TEX29: variants seen among roughly 807,000 people sequenced by gnomAD.
The protein encoded by TEX29 is testis expressed 29, also known as testis-expressed protein 29.
TEX29 carries 26 observed loss-of-function variants against 18.2 expected under a neutral mutation model. The observed-to-expected ratio is 1.43, with a 90% CI of 1.04 to 1.98. The LOEUF is 1.98. TEX29 is among the 30% of genes most tolerant of loss of function. The pLI is 0.00. For missense variants in TEX29, 177 were observed against 194.2 expected (o/e 0.91, Z 0.53); for synonymous variants, 83 against 78.5 (o/e 1.06, Z -0.31).
intron 2 of TEX29, among the ~76,000 whole-genome samples, chr13:111,321,677 C>T (rs375492145): frequency 2.0e-5 from 3 of 152,002 alleles, no homozygotes; most frequent in African/African-American, 7.3e-5. Flanking sequence ...AATCCCAGCA[C>T]TTTGAGAAGC....
intron 3 of TEX29, among the ~76,000 whole-genome samples, chr13:111,334,534 T>C (rs1466387302): frequency 6.6e-6 from 1 of 152,262 alleles, no homozygotes; most frequent in Non-Finnish European, 1.5e-5. Context: ...CCATAGGTCT[T>C]TCCTTGCAAA....
chr13:111,326,902 G>A (rs541604783), intron 2 of TEX29, among the ~76,000 whole-genome samples: 1 of 152,302 alleles, frequency 6.6e-6, no homozygotes, highest in Non-Finnish European at 1.5e-5. Context: ...TGCCCTGGGA[G>A]CAAAGCCCTC....
In TEX29 at chr13:111,328,216, A is replaced by G. The variant is rs2093677206; in HGVS notation, c.92A>G (p.Tyr31Cys). ...CDVPLYDICD[Y>C]NVSRDRCQEL... ...GTTCCTCTGTATGACATTTGTGACT[A>G]CAACGTCTCCAGGGACCGATGCCAG... is the stretch of plus-strand genomic sequence containing the variant. Residue 31 changes from tyrosine to cysteine, a missense_variant, in exon 3 of 6, where the codon TAC becomes TGC. By Grantham distance (194) the Tyr-to-Cys change is radical. Coordinates refer to ENST00000283547, the MANE Select transcript of TEX29 (RefSeq NM_152324.3). The G allele has an allele frequency of 6.2e-7, 1 of 1,613,852 alleles. No homozygotes were observed. Among genetic ancestry groups the G allele is most frequent in the Non-Finnish European group, 8.5e-7 (1 of 1,179,916 alleles).
At chr13:111,339,006 G>A (rs1389648557) in intron 3 of TEX29, among the ~76,000 whole-genome samples, 1 of 152,206 alleles carries the variant, frequency 6.6e-6, no homozygotes, top group Non-Finnish European at 1.5e-5. Flanking sequence ...GCACAGACAG[G>A]GCCCTGCCTG....
intron 3 of TEX29, among the ~76,000 whole-genome samples, chr13:111,333,607 A>G (rs531344206): frequency 3.3e-5 from 5 of 152,332 alleles, no homozygotes; most frequent in East Asian, 1.9e-4. Flanking sequence ...TGATGAATGT[A>G]TTAGTCATTT....
intron 2 of TEX29, among the ~76,000 whole-genome samples, chr13:111,326,307 C>G (rs75081920): frequency 0.094 from 2,399 of 25,394 alleles, 20 homozygotes; most frequent in East Asian, 0.1. Context: ...GCAGTGTGAG[C>G]CTGTCTGGTG....
chr13:111,329,887 G>A (rs939488310), intron 3 of TEX29, among the ~76,000 whole-genome samples: 6 of 152,154 alleles, frequency 3.9e-5, no homozygotes, highest in African/African-American at 1.4e-4. Context: ...GCATTTTGCA[G>A]CTGGTTCTCT....
At chr13:111,317,815 G>A (rs913809563), upstream of TEX29, among the ~76,000 whole-genome samples, 4 of 152,118 alleles carry the variant, frequency 2.6e-5, no homozygotes, top group East Asian at 1.9e-4. Context: ...TCCGGGGCTC[G>A]CAGGCGCCTT....
chr13:111,320,910 T>C lies in TEX29; in HGVS notation c.20T>C (p.Val7Ala). The C allele has an allele frequency of 6.4e-7, 1 of 1,566,686 alleles. No homozygotes were observed. Among genetic ancestry groups the C allele is most frequent in the East Asian group, 2.6e-5 (1 of 39,104 alleles). The change falls in exon 2 of 6, where the codon GTG (valine) becomes GCG (alanine). Residue 7 changes from valine (V) to alanine (A), a missense_variant. Val to Ala is a moderately conservative substitution (Grantham distance 64). Coordinates refer to ENST00000283547, the MANE Select transcript of TEX29 (RefSeq NM_152324.3). ...GCAGCAATGGAATACGTGCTGGAAGTGAAGAACTCTCCGCGGCACCTCCTG... is the reference window on the plus strand; with the variant it reads ...GCAGCAATGGAATACGTGCTGGAAGCGAAGAACTCTCCGCGGCACCTCCTG... MEYVLE[V>A]KNSPRHLLKQ...
chr13:111,316,916 G>A (rs1023819858), upstream of TEX29, among the ~76,000 whole-genome samples: 2 of 152,136 alleles, frequency 1.3e-5, no homozygotes, highest in African/African-American at 4.8e-5. Flanking sequence ...CCTTCACAAG[G>A]TGGTGAGAAG....
intron 2 of TEX29, among the ~76,000 whole-genome samples, chr13:111,321,646 CG>C (rs2093664751): frequency 6.6e-6 from 1 of 151,360 alleles, no homozygotes. Context: ...CCAAGAAAAT[CG>C]GATGGGCGTG....
chr13:111,326,306 GCCTGTCTGGTGGGGTGGAGACT>G (rs1456811072), intron 2 of TEX29, among the ~76,000 whole-genome samples: 5,042 of 75,346 alleles, frequency 0.067, 158 homozygotes, highest in East Asian at 0.083. Context: ...GGCAGTGTGA[GCCTGTCTGGTGGGGTGGAGACT>G]GCGGGCAACG....
intron 2 of TEX29, among the ~76,000 whole-genome samples, chr13:111,322,974 C>T (rs1233357597): frequency 6.6e-6 from 1 of 152,220 alleles, no homozygotes; most frequent in Non-Finnish European, 1.5e-5. Context: ...CCACCCACCC[C>T]TGGGTCTGAA....
chr13:111,318,011 T>TC (rs1475024853), upstream of TEX29, among the ~76,000 whole-genome samples: 1 of 152,168 alleles, frequency 6.6e-6, no homozygotes, highest in Non-Finnish European at 1.5e-5. Context: ...AAATAAGCCC[T>TC]CATCCTTAGG....
intron 3 of TEX29, among the ~76,000 whole-genome samples, chr13:111,338,240 TA>T (rs2093692312): frequency 6.6e-6 from 1 of 152,084 alleles, no homozygotes; most frequent in Non-Finnish European, 1.5e-5. Context: ...TGTAATTAGG[TA>T]AGATGAGATC....
chr13:111,328,304 G>C lies in TEX29; in HGVS notation c.169+11G>C, dbSNP rs767705224. The C allele has an allele frequency of 4.4e-6, 7 of 1,601,286 alleles. No homozygotes were observed. The African/African-American group carries it at 9.4e-5, about 21-fold the overall frequency. On this transcript the variant is annotated intron_variant, in intron 3 of 5. Transcript: ENST00000283547. Reference sequence around the variant, plus strand: ...AGAAAGCGGTTCCCAGTGAGTAGACGCCCCGGCCACCCCGTGGCGGAAGCC... The same window carrying C: ...AGAAAGCGGTTCCCAGTGAGTAGACCCCCCGGCCACCCCGTGGCGGAAGCC...
chr13:111,320,999 G>GC lies in TEX29; in HGVS notation c.58+51_58+52insC, dbSNP rs762830755. On this transcript the variant is annotated intron_variant, in intron 2 of 5. Transcript: ENST00000283547. ...CGGGTGGGGTGGGGGAGCAGTTGGG[G>GC]GGGGGCACAGGGAGGAGCTGTTTGA... is the stretch of plus-strand genomic sequence containing the variant. 4.5e-5 allele frequency: 44 copies of GC among 973,768 alleles called. No individual in the cohort carries two copies. In the African/African-American group the frequency reaches 5.8e-4, roughly 13 times the overall value. 60.3% of individuals were successfully genotyped at this position (973,768 alleles called of 1,614,324 possible). A position where few individuals can be genotyped will look rare whatever the true frequency, so the allele number is the denominator to read the frequency against.
At chr13:111,324,030 ACATT>A (rs758987825) in intron 2 of TEX29, among the ~76,000 whole-genome samples, 9 of 152,186 alleles carry the variant, frequency 5.9e-5, no homozygotes, top group African/African-American at 9.6e-5. Context: ...CTGTGAAGAC[ACATT>A]CAGCCGGATT....
chr13:111,316,327 T>G (rs1407361235), upstream of TEX29: 2 of 457,170 alleles, frequency 4.4e-6, no homozygotes. Flanking sequence ...GTGTGGGGCA[T>G]GCACACGCCT....
Sources: allele counts gnomAD v4.1 joint callset (sites outside exome capture counted in the v4.1 genomes callset), GRCh38; gene constraint gnomAD v4.1.1; transcripts MANE v1.5; gene names NCBI Gene and HGNC (gene_info 2026-07-23, HGNC 2026-07-21).